PTPRC: variants seen among roughly 807,000 people sequenced by gnomAD.
The protein encoded by PTPRC is protein tyrosine phosphatase receptor type C, also known as receptor-type tyrosine-protein phosphatase C.
In PTPRC, 44 loss-of-function variants were observed where a neutral mutation model predicts 155.9. The observed-to-expected ratio is 0.28, with a 90% CI of 0.22 to 0.36. PTPRC has a LOEUF of 0.36. PTPRC is among the 10% of genes least tolerant of loss of function. The pLI is 1.00. For missense variants in PTPRC, 1,401 were observed against 1,564.6 expected (o/e 0.90, Z 1.76); for synonymous variants, 525 against 533.1 (o/e 0.98, Z 0.21).
rs1655658490 is a variant in PTPRC at position 198,756,301 on chromosome 1, TAGA to T, written c.*123_*125del. ...ATTAAATGCAGCGAACCAATATTTGTAGAAGGGTTATATTTTACTACTGTGGAA... is the reference window on the plus strand; with the variant it reads ...ATTAAATGCAGCGAACCAATATTTGTAGGGTTATATTTTACTACTGTGGAA... On this transcript the variant is annotated 3_prime_UTR_variant, in exon 33 of 33. Transcript: ENST00000442510. The T allele has an allele frequency of 7.7e-7, 1 of 1,292,474 alleles. No individual in the cohort carries two copies. Among genetic ancestry groups the T allele is most frequent in the Non-Finnish European group, 1.1e-6 (1 of 923,484 alleles). The allele number at this position is 1,292,474 out of a possible 1,614,324, so 80.1% of individuals were successfully genotyped here. A position where few individuals can be genotyped will look rare whatever the true frequency, so the allele number is the denominator to read the frequency against.
chr1:198,720,482 AC>A (rs1218260975), intron 14 of PTPRC, among the ~76,000 whole-genome samples: 2 of 152,002 alleles, frequency 1.3e-5, no homozygotes, highest in Non-Finnish European at 2.9e-5. Flanking sequence ...GGCATGCACC[AC>A]CATGCCTGGC....
Position 198,756,008 on chromosome 1 carries a change from A to AATG in PTPRC, c.3750_3752dup (p.Asn1250_Glu1251insAsp). ...TCAAGAAGATAAAATTGAATTTGAT[A>AATG]ATGAAGTGGACAAAGTAAAGCAGGA... On this transcript the variant is annotated inframe_insertion, in exon 33 of 33. Transcript: ENST00000442510. 1.9e-6 allele frequency: 3 copies of AATG among 1,613,414 alleles called. No individual in the cohort carries two copies. Among genetic ancestry groups the AATG allele is most frequent in the Non-Finnish European group, 2.5e-6 (3 of 1,179,600 alleles).
intron 3 of PTPRC, chr1:198,692,877 C>G: frequency 9.0e-6 from 8 of 891,476 alleles, no homozygotes; most frequent in Non-Finnish European, 1.1e-5. Flanking sequence ...CTACTGAACA[C>G]TTCAATAGTC....
intron 20 of PTPRC, among the ~76,000 whole-genome samples, chr1:198,733,091 C>T (rs984850982): frequency 2.3e-4 from 35 of 151,676 alleles, no homozygotes; most frequent in South Asian, 1.0e-3. Flanking sequence ...AATGTCCGTA[C>T]GTGGTTAATT....
intron 24 of PTPRC, 24 bp from the exon 25 acceptor site, chr1:198,742,208 G>C (rs1414244239): frequency 6.2e-7 from 1 of 1,611,866 alleles, no homozygotes; most frequent in Admixed American, 1.7e-5. Context: ...TCATGCCTCT[G>C]CTTTTTTTTG....
chr1:198,657,128 A>T (rs2102236860), intron 2 of PTPRC, among the ~76,000 whole-genome samples: 1 of 151,896 alleles, frequency 6.6e-6, no homozygotes, highest in Non-Finnish European at 1.5e-5. Context: ...CTTTCTAGTA[A>T]AGCAAAGTTC....
chr1:198,748,008 CA>C lies in PTPRC; in HGVS notation c.2848-96del. On this transcript the variant is annotated intron_variant, in intron 26 of 32. Transcript: ENST00000442510. Reference sequence around the variant, plus strand: ...CTATAGGGAGCATATGCAAATTTCACAAAAATTAATGAAATGCTTTTCCTTA... The same window carrying C: ...CTATAGGGAGCATATGCAAATTTCACAAAATTAATGAAATGCTTTTCCTTA... 4 of 1,485,876 alleles carry C rather than the reference CA, an allele frequency of 2.7e-6. No individual in the cohort carries two copies. In the East Asian group the frequency reaches 1.0e-4, roughly 37 times the overall value. 92.0% of individuals were successfully genotyped at this position (1,485,876 alleles called of 1,614,324 possible). A position where few individuals can be genotyped will look rare whatever the true frequency, so the allele number is the denominator to read the frequency against.
chr1:198,752,799 C>T lies in PTPRC; in HGVS notation c.3509+27C>T, dbSNP rs752702515. Reference sequence around the variant, plus strand: ...TGCGTGGGATTTGGTAGAATGTGCTCTCAAAATCATAATGCTTGACTTCTC... The same window carrying T: ...TGCGTGGGATTTGGTAGAATGTGCTTTCAAAATCATAATGCTTGACTTCTC... On this transcript the variant is annotated intron_variant, in intron 31 of 32. Coordinates refer to ENST00000442510, the MANE Select transcript of PTPRC (RefSeq NM_002838.5). 3.1e-6 allele frequency: 5 copies of T among 1,603,890 alleles called. No homozygotes were observed. The Admixed American group carries it at 5.0e-5, about 16-fold the overall frequency.
At chr1:198,641,668 G>T (rs1398062749) in intron 2 of PTPRC, among the ~76,000 whole-genome samples, 2 of 151,976 alleles carry the variant, frequency 1.3e-5, no homozygotes, top group African/African-American at 4.8e-5. Context: ...AATGTTAGGG[G>T]ACAATGATGG....
chr1:198,699,968 T>C lies in PTPRC; in HGVS notation c.439+264T>C, dbSNP rs539067206. On this transcript the variant is annotated intron_variant, in intron 5 of 32. Transcript: ENST00000442510. ...TATTCAGAATAGTCTATTTTTTATATATTTCAGGCAATTACCATTCTACAG... is the reference window on the plus strand; with the variant it reads ...TATTCAGAATAGTCTATTTTTTATACATTTCAGGCAATTACCATTCTACAG... 7.2e-6 allele frequency: 4 copies of C among 553,994 alleles called. No individual in the cohort carries two copies. The Admixed American group carries it at 1.3e-4, about 17-fold the overall frequency. The allele number at this position is 553,994 out of a possible 1,614,324, so 34.3% of individuals were successfully genotyped here. A position where few individuals can be genotyped will look rare whatever the true frequency, so the allele number is the denominator to read the frequency against.
intron 3 of PTPRC, chr1:198,694,508 G>A: frequency 5.0e-6 from 5 of 998,608 alleles, no homozygotes; most frequent in Non-Finnish European, 6.0e-6. Flanking sequence ...TTTCCTTCTA[G>A]TCTGTTTGTA....
chr1:198,718,017 T>A (rs761889481), intron 13 of PTPRC, 77 bp from the exon 14 acceptor site: 2 of 1,191,420 alleles, frequency 1.7e-6, no homozygotes, highest in Non-Finnish European at 1.2e-6. Flanking sequence ...TACTTTATAC[T>A]ATATCCAAGT....
Position 198,696,786 on chromosome 1 carries a change from C to T in PTPRC, c.175C>T (p.Pro59Ser). 6.2e-7 allele frequency: 1 copy of T among 1,614,052 alleles called. No homozygotes were observed. The highest frequency in any genetic ancestry group is 1.7e-5 in the Admixed American group (1 of 60,026). The change falls in exon 4 of 33, where the codon CCC becomes TCC. Residue 59 changes from proline (P) to serine (S), a missense_variant. By Grantham distance (74) the Pro-to-Ser change is moderately conservative (BLOSUM62 -1). Around this residue, in one of 3 missense-constraint regions of PTPRC, gnomAD observed 867 missense variants for 970.4 expected, o/e 0.89. Coordinates refer to ENST00000442510, the MANE Select transcript of PTPRC (RefSeq NM_002838.5). Reference protein sequence around the residue: ...PLPTHTTAFSPASTFERENDF... With the variant: ...PLPTHTTAFSSASTFERENDF... Reference sequence around the variant, plus strand: ...ACCTACTCACACCACTGCATTCTCACCCGCAAGCACCTTTGAAAGAGAAAA... The same window carrying T: ...ACCTACTCACACCACTGCATTCTCATCCGCAAGCACCTTTGAAAGAGAAAA...
At chr1:198,698,673 A>G (rs1481749922) in intron 4 of PTPRC, among the ~76,000 whole-genome samples, 2 of 151,906 alleles carry the variant, frequency 1.3e-5, no homozygotes, top group East Asian at 3.9e-4. Context: ...AGCATTTTCA[A>G]TATAGATGGG....
chr1:198,701,815 GGAAAGGAAGAAAAAGAAAACCTTT>G (rs1237750610), intron 5 of PTPRC, among the ~76,000 whole-genome samples: 1 of 152,184 alleles, frequency 6.6e-6, no homozygotes, highest in African/African-American at 2.4e-5. Flanking sequence ...ACCTTCAGCT[GGAAAGGAAGAAAAAGAAAACCTTT>G]GAGCTCATGC....
At position 198,639,136 on chromosome 1, in the gene PTPRC, G is replaced by A. The variant is rs1662427674; in HGVS notation, c.-45G>A. On this transcript the variant is annotated splice_region_variant and 5_prime_UTR_variant, in exon 1 of 33. Transcript: ENST00000442510. ...CCTCGTCTGATAAGACAACAGTGGA[G>A]AGTATGCATTTATTTATTTACTTTT... is the stretch of plus-strand genomic sequence containing the variant. 1 of 756,638 alleles carries A rather than the reference G, an allele frequency of 1.3e-6. No individual in the cohort carries two copies. Among genetic ancestry groups the A allele is most frequent in the Admixed American group, 1.9e-5 (1 of 52,452 alleles). The allele number at this position is 756,638 out of a possible 1,614,324, so 46.9% of individuals were successfully genotyped here.
At chr1:198,641,529 G>A (rs1332839404) in intron 2 of PTPRC, among the ~76,000 whole-genome samples, 4 of 151,994 alleles carry the variant, frequency 2.6e-5, no homozygotes, top group African/African-American at 9.7e-5. Context: ...CACGGACAAG[G>A]CCAAAGTTAA....
intron 3 of PTPRC, among the ~76,000 whole-genome samples, chr1:198,696,113 T>C (rs1035679163): frequency 6.6e-6 from 1 of 151,598 alleles, no homozygotes; most frequent in Non-Finnish European, 1.5e-5. Context: ...TGAGCCAAGA[T>C]CGTGCCACTG....
At chr1:198,642,357 A>AATCTATCT (rs199962274) in intron 2 of PTPRC, among the ~76,000 whole-genome samples, 11,386 of 103,184 alleles carry the variant, frequency 0.11, 451 homozygotes, top group East Asian at 0.14. Context: ...TATACTAGTC[A>AATCTATCT]ATCTATCTAT....
Sources: allele counts gnomAD v4.1 joint callset (sites outside exome capture counted in the v4.1 genomes callset), GRCh38; gene constraint gnomAD v4.1.1; regional missense constraint gnomAD v4.1.1; transcripts MANE v1.5; gene names NCBI Gene and HGNC (gene_info 2026-07-23, HGNC 2026-07-21).